The following SRGAP2B variants were observed in gnomAD, a reference collection of about 807,000 sequenced individuals.
SRGAP2B encodes the protein SLIT-ROBO Rho GTPase-activating protein 2B.
Under a neutral mutation model 22.2 loss-of-function variants are expected in SRGAP2B, and 9 were observed. That is an observed-to-expected ratio of 0.41 (90% CI 0.24 to 0.71). The LOEUF is 0.71. SRGAP2B is among the 30% of genes least tolerant of loss of function. The probability of loss-of-function intolerance (pLI) is 0.35; values close to 1 mark genes in which losing one functional copy is unlikely to be tolerated. For missense variants in SRGAP2B, 114 were observed against 235.8 expected, an observed-to-expected ratio of 0.48 and a Z score of 3.38; for synonymous variants, 36 against 87.4, an observed-to-expected ratio of 0.41 and a Z score of 3.28.
chr1:144,928,180 T>C (rs1438085824), intron 4 of SRGAP2B, among the ~76,000 whole-genome samples: 1 of 57,338 alleles, frequency 1.7e-5, no homozygotes, highest in Non-Finnish European at 3.4e-5. Context: ...ATAAATGGAA[T>C]CATATAATAT....
At chr1:144,920,764 T>C (rs587751439) in intron 4 of SRGAP2B, among the ~76,000 whole-genome samples, 4 of 150,682 alleles carry the variant, frequency 2.7e-5, no homozygotes, top group African/African-American at 9.9e-5. Context: ...AATGAGTCAT[T>C]ATACACAGGT....
rs782814775 is a variant in SRGAP2B at position 144,995,075 on chromosome 1, G to A, written c.193C>T (p.Arg65Cys). The A allele has an allele frequency of 6.2e-5, 96 of 1,539,454 alleles. 2 individuals are homozygous for A. In the East Asian group the frequency reaches 9.3e-4, roughly 15 times the overall value. The change falls in exon 3 of 10, where the codon CGC (arginine) becomes TGC (cysteine). Residue 65 changes from arginine (R) to cysteine (C), a missense_variant. Around this residue, in one of 2 missense-constraint regions of SRGAP2B, gnomAD observed 95 missense variants for 139.0 expected, o/e 0.68. Coordinates refer to ENST00000612199, the Ensembl canonical transcript of SRGAP2B. ...CGTTCTGCCAGCTTCTCCAGGTTGC[G>A]GGAGTAGTCCATCTCAATCTCTGCC...
Position 144,898,564 on chromosome 1 carries a change from C to A in SRGAP2B, c.832-1227G>T, listed in dbSNP as rs1380986160. Reference sequence around the variant, plus strand: ...CTGAGGTCCGGGTCCTAAGAAGAAACCTCAAAGAAGAATCTATGCATAGAG... The same window carrying A: ...CTGAGGTCCGGGTCCTAAGAAGAAAACTCAAAGAAGAATCTATGCATAGAG... On this transcript the variant is annotated intron_variant, in intron 7 of 9. Coordinates refer to ENST00000612199, the Ensembl canonical transcript of SRGAP2B. 1.1e-4 allele frequency among the ~76,000 whole-genome samples: 16 copies of A among 149,848 alleles called. 4 individuals are homozygous for A. The highest frequency in any genetic ancestry group is 3.8e-4 in the African/African-American group (15 of 39,658).
At chr1:144,936,161 AT>A (rs1488942648) in intron 4 of SRGAP2B, among the ~76,000 whole-genome samples, 3 of 135,232 alleles carry the variant, frequency 2.2e-5, no homozygotes, top group South Asian at 4.9e-4. Flanking sequence ...CAGATCAGGA[AT>A]TTTTTTTCTT....
rs1391823471 is a variant in SRGAP2B, at chr1:145,045,316, AAGAAAGAAAAG to A, written c.67+47508_67+47518del. 7.6e-5 allele frequency among the ~76,000 whole-genome samples: 11 copies of A among 144,152 alleles called. 1 individual carries two copies. Among genetic ancestry groups the A allele is most frequent in the African/African-American group, 2.9e-4 (11 of 37,312 alleles). 94.6% of individuals were successfully genotyped at this position (144,152 alleles called of 152,430 possible). On this transcript the variant is annotated intron_variant, in intron 2 of 9. Transcript: ENST00000612199. ...CGCCTCAAAAAAAAAAAAAAAAAGA[AAGAAAGAAAAG>A]AGAAAGAAAGAGAGAGAGAGTGAAG...
At position 145,081,317 on chromosome 1, in the gene SRGAP2B, C is replaced by T. The variant is rs4133538; in HGVS notation, c.67+11518G>A. ...TGAGACATAAGAAGCACTTGATAAA[C>T]GCTAACCATCATCACCATCATTATT... On this transcript the variant is annotated intron_variant, in intron 2 of 9. Coordinates refer to ENST00000612199, the Ensembl canonical transcript of SRGAP2B. 4.3e-3 allele frequency among the ~76,000 whole-genome samples: 638 copies of T among 149,990 alleles called. 20 individuals are homozygous for T. The highest frequency in any genetic ancestry group is 6.8e-3 in the Non-Finnish European group (462 of 67,710).
At chr1:144,985,388 T>C (rs1669636805) in intron 3 of SRGAP2B, among the ~76,000 whole-genome samples, 1 of 146,662 alleles carries the variant, frequency 6.8e-6, no homozygotes. Context: ...AATGTAGAAG[T>C]ATTGCTCTAA....
intron 4 of SRGAP2B, among the ~76,000 whole-genome samples, chr1:144,947,595 C>T (rs1666559425): frequency 6.8e-6 from 1 of 147,338 alleles, no homozygotes; most frequent in African/African-American, 2.6e-5. Flanking sequence ...TTGCATTCCC[C>T]ACTTCCTGCA....
intron 3 of SRGAP2B, among the ~76,000 whole-genome samples, chr1:144,976,313 CAT>C (rs1216072309): frequency 2.8e-5 from 4 of 145,002 alleles, no homozygotes; most frequent in African/African-American, 5.5e-5. Context: ...TTAAATAAAA[CAT>C]GTGGTATTGG....
intron 4 of SRGAP2B, among the ~76,000 whole-genome samples, chr1:144,954,673 C>A (rs1251957848): frequency 1.3e-5 from 2 of 150,728 alleles, no homozygotes; most frequent in African/African-American, 2.5e-5. Flanking sequence ...AAAAGAGCTT[C>A]CTGGATTTTC....
At chr1:144,907,129 G>T (rs1183207430) in intron 5 of SRGAP2B, among the ~76,000 whole-genome samples, 11 of 146,746 alleles carry the variant, frequency 7.5e-5, no homozygotes, top group Non-Finnish European at 1.5e-4. Context: ...GAAGTTGGGT[G>T]TGTGTGTGCG....
Position 144,983,975 on chromosome 1 carries a change from C to T in SRGAP2B, c.260+11033G>A, listed in dbSNP as rs1317142523. On this transcript the variant is annotated intron_variant, in intron 3 of 9. Coordinates refer to ENST00000612199, the Ensembl canonical transcript of SRGAP2B. ...AAACTTAAAATCCAAAACCAAATTT[C>T]TCATATTTTACTCCTTCAAAAACAA... Among the ~76,000 whole-genome samples the T allele has an allele frequency of 4.6e-5, 7 of 150,850 alleles. No individual in the cohort carries two copies. The East Asian group carries it at 1.4e-3, about 29-fold the overall frequency.
rs1404279482 is a variant in SRGAP2B, at chr1:145,031,822, G to C, written c.68-36622C>G. 4.8e-4 allele frequency among the ~76,000 whole-genome samples: 67 copies of C among 140,076 alleles called. 3 individuals are homozygous for C. The highest frequency in any genetic ancestry group is 1.7e-3 in the African/African-American group (58 of 34,442). 91.9% of individuals were successfully genotyped at this position (140,076 alleles called of 152,430 possible). A position where few individuals can be genotyped will look rare whatever the true frequency, so the allele number is the denominator to read the frequency against. On this transcript the variant is annotated intron_variant, in intron 2 of 9. Coordinates refer to ENST00000612199, the Ensembl canonical transcript of SRGAP2B. ...AGATTGCGCCACTGCACTCCAGCCT[G>C]GGCGACAGAGCAAGACTCCGTCTCA...
At chr1:145,001,682 G>C (rs1297536127) in intron 2 of SRGAP2B, among the ~76,000 whole-genome samples, 1 of 148,882 alleles carries the variant, frequency 6.7e-6, no homozygotes, top group Non-Finnish European at 1.5e-5. Flanking sequence ...TCCTCAAAGA[G>C]TGTGACTGAT....
intron 3 of SRGAP2B, among the ~76,000 whole-genome samples, chr1:144,963,979 T>C: frequency 6.6e-6 from 1 of 150,848 alleles, no homozygotes; most frequent in East Asian, 1.9e-4. Context: ...CTTACATGGC[T>C]CATAACAACA....
chr1:144,930,847 A>C (rs1197441624), intron 4 of SRGAP2B, among the ~76,000 whole-genome samples: 1 of 149,386 alleles, frequency 6.7e-6, no homozygotes, highest in Admixed American at 6.6e-5. Context: ...CCTGTCCTGG[A>C]ATTAGAGGCC....
intron 3 of SRGAP2B, among the ~76,000 whole-genome samples, chr1:144,964,465 C>G (rs1667912188): frequency 6.6e-6 from 1 of 150,610 alleles, no homozygotes; most frequent in Admixed American, 6.6e-5. Context: ...GGCTTGTGTA[C>G]TCTAAATTAC....
At chr1:144,925,185 T>C (rs1467937339) in intron 4 of SRGAP2B, among the ~76,000 whole-genome samples, 1 of 150,138 alleles carries the variant, frequency 6.7e-6, no homozygotes, top group Admixed American at 6.6e-5. Flanking sequence ...TGTATTTTAG[T>C]AAAGACAGAG....
At chr1:144,971,946 G>A (rs1553613353) in intron 3 of SRGAP2B, among the ~76,000 whole-genome samples, 2 of 149,468 alleles carry the variant, frequency 1.3e-5, no homozygotes, top group African/African-American at 5.1e-5. Context: ...AAAGCCCTTA[G>A]CATCTCAAAG....
Sources: allele counts gnomAD v4.1 joint callset (sites outside exome capture counted in the v4.1 genomes callset), GRCh38; gene constraint gnomAD v4.1.1; regional missense constraint gnomAD v4.1.1; transcripts MANE v1.5; gene names NCBI Gene and HGNC (gene_info 2026-07-23, HGNC 2026-07-21).